The following SUSD4 variants were observed in gnomAD, a reference collection of about 807,000 sequenced individuals.
The protein encoded by SUSD4 is sushi domain-containing protein 4.
Under a neutral mutation model 50.5 loss-of-function variants are expected in SUSD4, and 41 were observed. That is an observed-to-expected ratio of 0.81 (90% CI 0.63 to 1.05). The LOEUF is 1.05. Ranked by LOEUF, SUSD4 falls within the 50% of genes least tolerant of loss-of-function variation. SUSD4 has a pLI of 0.00. For synonymous variants in SUSD4, 257 were observed against 257.3 expected, an observed-to-expected ratio of 1.00 and a Z score of 0.01; for missense variants, 580 against 634.7, an observed-to-expected ratio of 0.91 and a Z score of 0.93.
At chr1:223,308,102 G>A (rs1350726240) in intron 2 of SUSD4, among the ~76,000 whole-genome samples, 2 of 152,058 alleles carry the variant, frequency 1.3e-5, no homozygotes, top group African/African-American at 4.8e-5. Flanking sequence ...AGTCAAATGG[G>A]ATTTTTATAA....
At position 223,231,429 on chromosome 1, in the gene SUSD4, G is replaced by A. The variant is rs961304968; in HGVS notation, c.725-2041C>T. On this transcript the variant is annotated intron_variant, in intron 5 of 8. Coordinates refer to ENST00000366878, the MANE Select transcript of SUSD4 (RefSeq NM_017982.4). This position sits in a 1 kb window ranked among gnomAD's most constrained non-coding sequence, Gnocchi z 4.2. ...CATCCCACAGGTGGACACTGGCAGA[G>A]ACAGGCTTTGAGCTCTGACTCTGAG... Among the ~76,000 whole-genome samples, 1 of 152,182 alleles carries A rather than the reference G, an allele frequency of 6.6e-6. No homozygotes were observed. The highest frequency in any genetic ancestry group is 1.5e-5 in the Non-Finnish European group (1 of 68,040).
In SUSD4 at chr1:223,310,761, T is replaced by C. The variant is rs139011596; in HGVS notation, c.149-18110A>G. Among the ~76,000 whole-genome samples the C allele has an allele frequency of 7.2e-5, 11 of 152,392 alleles. No individual in the cohort carries two copies. In the South Asian group the frequency reaches 1.0e-3, roughly 14 times the overall value. ...TGCTATTTAAAAAAATGAACTCTAA[T>C]GGCACAGACTGTTAAATTGAGGGTA... On this transcript the variant is annotated intron_variant, in intron 2 of 8. Coordinates refer to ENST00000366878, the MANE Select transcript of SUSD4 (RefSeq NM_017982.4).
chr1:223,290,827 T>G (rs1308889717), intron 3 of SUSD4, among the ~76,000 whole-genome samples: 3 of 152,190 alleles, frequency 2.0e-5, no homozygotes, highest in Admixed American at 6.5e-5. Flanking sequence ...CAGAAGGCCT[T>G]CATCTCTGGG....
At chr1:223,356,430 T>C (rs1360191870) in intron 2 of SUSD4, among the ~76,000 whole-genome samples, 1 of 151,698 alleles carries the variant, frequency 6.6e-6, no homozygotes, top group Non-Finnish European at 1.5e-5. Flanking sequence ...TTTTTTTCAG[T>C]GACAGGGTCT....
chr1:223,273,766 T>C (rs116209119), intron 3 of SUSD4, among the ~76,000 whole-genome samples: 73 of 152,314 alleles, frequency 4.8e-4, no homozygotes, highest in African/African-American at 1.5e-3. Context: ...TTCGTGTATA[T>C]TGTCATACAT....
In SUSD4 at chr1:223,267,989, ATTTTTCTGCTCTTCATGCATTTTT is replaced by A. The variant is rs1171442066; in HGVS notation, c.535+489_535+512del. Among the ~76,000 whole-genome samples the A allele has an allele frequency of 1.2e-4, 13 of 110,204 alleles. 1 individual carries two copies. The East Asian group carries it at 4.1e-3, about 35-fold the overall frequency. 72.3% of individuals were successfully genotyped at this position (110,204 alleles called of 152,430 possible). A position where few individuals can be genotyped will look rare whatever the true frequency, so the allele number is the denominator to read the frequency against. On this transcript the variant is annotated intron_variant, in intron 4 of 8. Coordinates refer to ENST00000366878, the MANE Select transcript of SUSD4 (RefSeq NM_017982.4). Reference sequence around the variant, plus strand: ...GTTCGGATGAAATTTGAATTTGATAATTTTTCTGCTCTTCATGCATTTTTTATATATATATATATATATATATAT... The same window carrying A: ...GTTCGGATGAAATTTGAATTTGATAATATATATATATATATATATATATAT...
intron 2 of SUSD4, among the ~76,000 whole-genome samples, chr1:223,354,389 G>A (rs894874094): frequency 1.3e-5 from 2 of 150,848 alleles, no homozygotes; most frequent in Non-Finnish European, 2.9e-5. Flanking sequence ...TGCTATAAAC[G>A]GAAGAATGAT....
chr1:223,246,387 G>A (rs1353877544), intron 5 of SUSD4, among the ~76,000 whole-genome samples: 2 of 152,176 alleles, frequency 1.3e-5, no homozygotes, highest in East Asian at 3.9e-4. Context: ...AGTAAAAGGG[G>A]ATGGAAACCT....
At chr1:223,286,112 T>A (rs1397148409) in intron 3 of SUSD4, among the ~76,000 whole-genome samples, 2 of 150,526 alleles carry the variant, frequency 1.3e-5, no homozygotes, top group African/African-American at 4.8e-5. Context: ...GCCTGGCTAA[T>A]TTTTTGTTTT....
intron 5 of SUSD4, among the ~76,000 whole-genome samples, chr1:223,237,508 T>C (rs1458562046): frequency 6.6e-6 from 1 of 152,034 alleles, no homozygotes; most frequent in Admixed American, 6.5e-5. Flanking sequence ...CTTTATACGG[T>C]TGAGGATGTT....
chr1:223,286,228 G>C (rs1046584653), intron 3 of SUSD4, among the ~76,000 whole-genome samples: 20 of 152,122 alleles, frequency 1.3e-4, no homozygotes, highest in African/African-American at 4.6e-4. Flanking sequence ...CCATTCTCCT[G>C]CCTCAGCCTC....
chr1:223,248,957 T>C (rs916739428), intron 5 of SUSD4, among the ~76,000 whole-genome samples: 4 of 152,136 alleles, frequency 2.6e-5, no homozygotes, highest in Admixed American at 6.5e-5. Flanking sequence ...AAACCCGTGA[T>C]TTCCTCTGAC....
At chr1:223,236,498 G>A (rs1660227777) in intron 5 of SUSD4, among the ~76,000 whole-genome samples, 1 of 150,238 alleles carries the variant, frequency 6.7e-6, no homozygotes, top group Admixed American at 6.6e-5. Flanking sequence ...TTAGGTATAC[G>A]ATCTATTTTG....
chr1:223,308,283 A>T (rs1042291122), intron 2 of SUSD4, among the ~76,000 whole-genome samples: 3 of 152,070 alleles, frequency 2.0e-5, no homozygotes, highest in Non-Finnish European at 4.4e-5. Flanking sequence ...TTCTTGTGAT[A>T]GTGAGTGAGT....
chr1:223,285,575 G>A (rs1194062556), intron 3 of SUSD4, among the ~76,000 whole-genome samples: 1 of 152,134 alleles, frequency 6.6e-6, no homozygotes, highest in African/African-American at 2.4e-5. Flanking sequence ...GTGTGTAAAT[G>A]ATTAACAATG....
At chr1:223,248,537 G>C (rs548034349) in intron 5 of SUSD4, among the ~76,000 whole-genome samples, 39 of 152,182 alleles carry the variant, frequency 2.6e-4, no homozygotes, top group Non-Finnish European at 5.1e-4. Flanking sequence ...TTTTAGCTCA[G>C]GGAAAATCAA....
chr1:223,267,233 C>G (rs74145795), intron 4 of SUSD4, among the ~76,000 whole-genome samples: 2 of 151,870 alleles, frequency 1.3e-5, no homozygotes, highest in African/African-American at 4.8e-5. Flanking sequence ...ATTTCTTTTT[C>G]TAATCACTGG....
At chr1:223,289,782 A>C (rs1305091116) in intron 3 of SUSD4, among the ~76,000 whole-genome samples, 1 of 152,160 alleles carries the variant, frequency 6.6e-6, no homozygotes. Flanking sequence ...AGTTCCTTCA[A>C]CTCCAAACCT....
At chr1:223,311,856 A>G (rs190112060) in intron 2 of SUSD4, among the ~76,000 whole-genome samples, 89 of 152,336 alleles carry the variant, frequency 5.8e-4, no homozygotes, top group African/African-American at 1.7e-3. Flanking sequence ...AGGGGCTTGC[A>G]TTGTATCTGT....
Sources: allele counts gnomAD v4.1 joint callset (sites outside exome capture counted in the v4.1 genomes callset), GRCh38; gene constraint gnomAD v4.1.1; non-coding constraint Gnocchi (gnomAD v3.1); transcripts MANE v1.5; gene names NCBI Gene and HGNC (gene_info 2026-07-23, HGNC 2026-07-21).